The following FMN2 variants were observed in gnomAD, a reference collection of about 807,000 sequenced individuals.
FMN2 encodes the protein formin 2, also known as formin-2.
A neutral mutation model predicts 142.3 loss-of-function variants in FMN2; 51 were observed. The observed-to-expected ratio is 0.36, with a 90% CI of 0.29 to 0.45. FMN2 has a LOEUF of 0.45. Ranked by LOEUF, FMN2 falls within the 20% of genes least tolerant of loss-of-function variation. FMN2 has a pLI of 1.00. For synonymous variants in FMN2, 882 were observed against 869.8 expected (o/e 1.01, Z -0.25); for missense variants, 1,936 against 2,122.8 (o/e 0.91, Z 1.73).
At chr1:240,470,522 CATCA>C (rs1417145256) in intron 16 of FMN2, among the ~76,000 whole-genome samples, 1 of 152,088 alleles carries the variant, frequency 6.6e-6, no homozygotes, top group Non-Finnish European at 1.5e-5. Context: ...TAAACTATAA[CATCA>C]ATCTTATAGC....
rs578215643 is a variant in FMN2, at chr1:240,285,871, G to A, written c.4154-8951G>A. Among the ~76,000 whole-genome samples the A allele has an allele frequency of 2.2e-4, 34 of 152,212 alleles. 1 individual carries two copies. In the South Asian group the frequency reaches 6.9e-3, roughly 31 times the overall value. On this transcript the variant is annotated intron_variant, in intron 7 of 17. Coordinates refer to ENST00000319653, the MANE Select transcript of FMN2 (RefSeq NM_020066.5). ...GTATTGACGACACTTTGTAGGAGTT[G>A]GAAGAGTTTTACTGCTTTATTTTTT...
At chr1:240,414,529 T>C (rs1225111725) in intron 15 of FMN2, among the ~76,000 whole-genome samples, 2 of 152,230 alleles carry the variant, frequency 1.3e-5, no homozygotes, top group Non-Finnish European at 2.9e-5. Context: ...TATTGGCATT[T>C]GTAGGGATGT....
chr1:240,294,763 G>A, intron 7 of FMN2, 59 bp from the exon 8 acceptor site: 1 of 1,534,744 alleles, frequency 6.5e-7, no homozygotes. Flanking sequence ...GCCTGAGATG[G>A]TCAAACATCT....
intron 2 of FMN2, chr1:240,145,160 C>T (rs12723947): frequency 0.06 from 88,141 of 1,463,692 alleles, 3,188 homozygotes; most frequent in East Asian, 0.11. Flanking sequence ...CAGCGCTGGT[C>T]GATACAGGGA....
At chr1:240,368,894 A>G (rs573975323) in intron 14 of FMN2, among the ~76,000 whole-genome samples, 1 of 151,506 alleles carries the variant, frequency 6.6e-6, no homozygotes, top group Non-Finnish European at 1.5e-5. Flanking sequence ...TTTAGTGCCT[A>G]TCTTGGATAT....
At chr1:240,296,438 C>CTTTTTTTTTTTTTTTT (rs772711130) in intron 8 of FMN2, among the ~76,000 whole-genome samples, 6 of 46,916 alleles carry the variant, frequency 1.3e-4, no homozygotes, top group Admixed American at 3.2e-4. Context: ...TCTTTGAGTG[C>CTTTTTTTTTTTTTTTT]TTTTTTTTTT....
intron 13 of FMN2, among the ~76,000 whole-genome samples, chr1:240,346,298 A>G (rs1274428077): frequency 1.3e-5 from 2 of 152,126 alleles, no homozygotes; most frequent in Non-Finnish European, 2.9e-5. Context: ...AATAATTATA[A>G]CAATATACTG....
intron 8 of FMN2, among the ~76,000 whole-genome samples, chr1:240,308,000 T>C (rs1670471392): frequency 7.3e-6 from 1 of 137,768 alleles, no homozygotes; most frequent in African/African-American, 3.5e-5. Context: ...TTGTGGCTAT[T>C]AGGTACATTA....
At chr1:240,229,928 G>T (rs1383400985) in intron 6 of FMN2, among the ~76,000 whole-genome samples, 1 of 131,744 alleles carries the variant, frequency 7.6e-6, no homozygotes, top group Non-Finnish European at 1.6e-5. Flanking sequence ...TTACAGGTAT[G>T]AGCCACCGTG....
At chr1:240,133,683 C>T (rs1438807155) in intron 2 of FMN2, among the ~76,000 whole-genome samples, 2 of 152,086 alleles carry the variant, frequency 1.3e-5, no homozygotes, top group Non-Finnish European at 2.9e-5. Context: ...ACTTCTGCTC[C>T]CCACTATTAT....
intron 11 of FMN2, among the ~76,000 whole-genome samples, chr1:240,331,843 A>G (rs979601080): frequency 6.6e-6 from 1 of 152,166 alleles, no homozygotes; most frequent in Non-Finnish European, 1.5e-5. Context: ...ATCATCTAAC[A>G]CAAAGCCTAT....
intron 7 of FMN2, among the ~76,000 whole-genome samples, chr1:240,269,526 G>C (rs563614597): frequency 1.5e-4 from 23 of 151,370 alleles, no homozygotes; most frequent in African/African-American, 5.6e-4. Flanking sequence ...TGGCTATTTG[G>C]TTTTTTTTGT....
intron 10 of FMN2, 33 bp from the exon 11 acceptor site, chr1:240,330,570 A>T (rs758259818): frequency 1.2e-6 from 2 of 1,601,240 alleles, no homozygotes; most frequent in Admixed American, 3.6e-5. Flanking sequence ...GTATAAGATA[A>T]AAGTTGTTTT....
intron 7 of FMN2, among the ~76,000 whole-genome samples, chr1:240,286,645 A>C (rs1669601792): frequency 6.6e-6 from 1 of 152,136 alleles, no homozygotes; most frequent in South Asian, 2.1e-4. Context: ...TGTTTTTACT[A>C]TAGCTTTAGT....
At chr1:240,136,800 C>A (rs147195490) in intron 2 of FMN2, among the ~76,000 whole-genome samples, 2 of 151,940 alleles carry the variant, frequency 1.3e-5, no homozygotes, top group East Asian at 1.9e-4. Flanking sequence ...TGGCCTGGTG[C>A]GGTGGCTCAC....
At chr1:240,372,540 T>C (rs1672902019) in intron 14 of FMN2, among the ~76,000 whole-genome samples, 2 of 150,922 alleles carry the variant, frequency 1.3e-5, no homozygotes, top group African/African-American at 4.8e-5. Flanking sequence ...ATATATTATA[T>C]ATGCTATGTT....
intron 2 of FMN2, chr1:240,143,037 T>C: frequency 6.7e-7 from 1 of 1,493,712 alleles, no homozygotes; most frequent in Non-Finnish European, 9.3e-7. Context: ...ACTCATAAGC[T>C]GCCAGTCACT....
intron 7 of FMN2, among the ~76,000 whole-genome samples, chr1:240,264,843 G>A (rs1668745984): frequency 6.6e-6 from 1 of 152,020 alleles, no homozygotes; most frequent in African/African-American, 2.4e-5. Context: ...TTAGCTATTG[G>A]TTTGAACTTT....
intron 15 of FMN2, among the ~76,000 whole-genome samples, chr1:240,435,971 G>C (rs967017532): frequency 6.6e-6 from 1 of 152,164 alleles, no homozygotes; most frequent in Non-Finnish European, 1.5e-5. Context: ...AGCCTAACAG[G>C]TCATACATTC....
Sources: allele counts gnomAD v4.1 joint callset (sites outside exome capture counted in the v4.1 genomes callset), GRCh38; gene constraint gnomAD v4.1.1; transcripts MANE v1.5; gene names NCBI Gene and HGNC (gene_info 2026-07-23, HGNC 2026-07-21).